The following GMEB1 variants were observed in gnomAD, a reference collection of about 807,000 sequenced individuals.
The protein encoded by GMEB1 is glucocorticoid modulatory element binding protein 1.
In GMEB1, 6 loss-of-function variants were observed where a neutral mutation model predicts 52.4. That is an observed-to-expected ratio of 0.11 (90% confidence interval 0.06 to 0.23). The LOEUF (loss-of-function observed/expected upper bound fraction) is 0.23, where lower values mean the gene tolerates loss of function less well. Among genes scored for constraint, GMEB1 ranks in the 10% least tolerant of loss-of-function variants. The pLI is 1.00. For synonymous variants in GMEB1, 255 were observed against 244.9 expected (o/e 1.04, Z -0.38); for missense variants, 486 against 685.6 (o/e 0.71, Z 3.25).
intron 7 of GMEB1, among the ~76,000 whole-genome samples, chr1:28,703,581 A>T (rs922760832): frequency 5.3e-5 from 8 of 151,956 alleles, no homozygotes; most frequent in Non-Finnish European, 1.2e-4. Flanking sequence ...AAGCACTTGA[A>T]CCTGGGAGGT....
At chr1:28,687,343 C>G (rs1028105449) in intron 2 of GMEB1, among the ~76,000 whole-genome samples, 2 of 33,496 alleles carry the variant, frequency 6.0e-5, no homozygotes, top group Non-Finnish European at 1.3e-4. Context: ...CTCACACACA[C>G]ACACACACAC....
rs545938221 is a variant in GMEB1, at chr1:28,703,846, TTTAAA to T, written c.731-335_731-331del. 3.0e-3 allele frequency among the ~76,000 whole-genome samples: 450 copies of T among 152,226 alleles called. 4 individuals carry two copies. Among genetic ancestry groups the T allele is most frequent in the African/African-American group, 6.6e-3 (274 of 41,572 alleles). ...CTTTTATGATATTAAATATCTCGTT[TTTAAA>T]TTAAATTAAAATTAAATAATATGTA... On this transcript the variant is annotated intron_variant, in intron 7 of 9. Transcript: ENST00000373816.
chr1:28,692,863 G>T, intron 4 of GMEB1, 79 bp from the exon 5 acceptor site: 1 of 685,188 alleles, frequency 1.5e-6, no homozygotes, highest in Non-Finnish European at 2.6e-6. Context: ...AAATGATGTA[G>T]AGTTATCATT....
chr1:28,714,082 G>A lies in GMEB1; in HGVS notation c.1001G>A (p.Arg334His), dbSNP rs1671179938. The A allele has an allele frequency of 3.1e-6, 5 of 1,607,264 alleles. No individual in the cohort carries two copies. The highest frequency in any genetic ancestry group is 3.4e-5 in the Admixed American group (2 of 59,546). Residue 334 changes from arginine to histidine, a missense_variant, in exon 10 of 10, where the codon CGC (arginine) becomes CAC (histidine). This residue lies in a region of GMEB1 where 200 missense variants were observed against 253.5 expected (regional missense o/e 0.79). Transcript: ENST00000373816. ...QFLYTLTDLE[R>H]QLEEQKKQGQ... is the part of the protein sequence containing the mutation. ...TTCTTTTTTTCCATAGACTTGGAACGCCAGTTGGAGGAGCAGAAGAAGCAA... is the reference window on the plus strand; with the variant it reads ...TTCTTTTTTTCCATAGACTTGGAACACCAGTTGGAGGAGCAGAAGAAGCAA...
At position 28,714,885 on chromosome 1, in the gene GMEB1, A is replaced by C. The variant is rs530505140; in HGVS notation, c.*112A>C. On this transcript the variant is annotated 3_prime_UTR_variant, in exon 10 of 10. Transcript: ENST00000373816. ...TAGGACCCTTTTTTAAAAAAAAAAA[A>C]ACAAAATCTTATTGTTGTAACTGAA... 1.0e-5 allele frequency: 8 copies of C among 779,536 alleles called. No individual in the cohort carries two copies. The highest frequency in any genetic ancestry group is 6.0e-5 in the South Asian group (3 of 49,844). The allele number at this position is 779,536 out of a possible 1,614,324, so 48.3% of individuals were successfully genotyped here.
chr1:28,700,513 C>CAAAAA (rs35332797), intron 6 of GMEB1, among the ~76,000 whole-genome samples: 1 of 82,464 alleles, frequency 1.2e-5, no homozygotes, highest in African/African-American at 4.8e-5. Context: ...GACTCCATCT[C>CAAAAA]AAAAAAAAAA....
At chr1:28,685,891 G>A (rs887838616) in intron 2 of GMEB1, among the ~76,000 whole-genome samples, 4 of 152,022 alleles carry the variant, frequency 2.6e-5, no homozygotes, top group Admixed American at 6.6e-5. Flanking sequence ...CCCGGGAGGC[G>A]GAAGTTGCAG....
chr1:28,694,708 G>A (rs1670118949), intron 5 of GMEB1, among the ~76,000 whole-genome samples: 3 of 150,192 alleles, frequency 2.0e-5, no homozygotes, highest in African/African-American at 2.5e-5. Flanking sequence ...TTGCTGTGTC[G>A]CCCAGGCTGC....
Position 28,714,873 on chromosome 1 carries a change from T to TAAAAAA in GMEB1, c.*108_*113dup. 5.0e-6 allele frequency: 3 copies of TAAAAAA among 595,398 alleles called. No homozygotes were observed. The highest frequency in any genetic ancestry group is 8.0e-6 in the Non-Finnish European group (3 of 373,700). 36.9% of individuals were successfully genotyped at this position (595,398 alleles called of 1,614,324 possible). On this transcript the variant is annotated 3_prime_UTR_variant, in exon 10 of 10. Coordinates refer to ENST00000373816, the MANE Select transcript of GMEB1 (RefSeq NM_001319674.2). ...CTCATTTCCACATAGGACCCTTTTT[T>TAAAAAA]AAAAAAAAAAAAACAAAATCTTATT... is the stretch of plus-strand genomic sequence containing the variant.
Position 28,714,798 on chromosome 1 carries a change from AT to A in GMEB1, c.*26del, listed in dbSNP as rs746275735. The A allele has an allele frequency of 6.8e-7, 1 of 1,461,882 alleles. No individual in the cohort carries two copies. The highest frequency in any genetic ancestry group is 1.2e-5 in the South Asian group (1 of 85,238). The allele number at this position is 1,461,882 out of a possible 1,614,324, so 90.6% of individuals were successfully genotyped here. ...ACTGGGGATCTCAGGGCCAGGAGTTATGTTTTGATTTGGAATTTTAATTATT... is the reference window on the plus strand; with the variant it reads ...ACTGGGGATCTCAGGGCCAGGAGTTAGTTTTGATTTGGAATTTTAATTATT... On this transcript the variant is annotated 3_prime_UTR_variant, in exon 10 of 10. Coordinates refer to ENST00000373816, the MANE Select transcript of GMEB1 (RefSeq NM_001319674.2).
At position 28,693,043 on chromosome 1, in the gene GMEB1, C is replaced by G; in HGVS notation, c.438C>G (p.Leu146=). 1 of 1,561,346 alleles carries G rather than the reference C, an allele frequency of 6.4e-7. No homozygotes were observed. The highest frequency in any genetic ancestry group is 8.8e-7 in the Non-Finnish European group (1 of 1,138,810). The change falls in exon 5 of 10, where the codon CTC becomes CTG. Residue 146 remains leucine (L), a splice_region_variant and synonymous_variant. Coordinates refer to ENST00000373816, the MANE Select transcript of GMEB1 (RefSeq NM_001319674.2). ...KRAIRLGGIM[L]RKMMDSGQID... The stretch of plus-strand genomic sequence containing the variant: ...CTATTCGTCTGGGTGGGATCATGCT[C>G]AGGTAAGCTCTAATGTCAAGCACAT...
At chr1:28,672,465 C>T (rs1248764559) in intron 1 of GMEB1, among the ~76,000 whole-genome samples, 3 of 151,366 alleles carry the variant, frequency 2.0e-5, no homozygotes, top group African/African-American at 7.3e-5. Flanking sequence ...CCTCGTGATC[C>T]GCCCGCCTCA....
At chr1:28,700,907 G>T (rs910726394) in intron 6 of GMEB1, among the ~76,000 whole-genome samples, 4 of 152,060 alleles carry the variant, frequency 2.6e-5, no homozygotes, top group Non-Finnish European at 5.9e-5. Context: ...GATTGGTGGG[G>T]GTCCACTTTT....
At chr1:28,702,291 G>T (rs1300489795) in intron 6 of GMEB1, 147 bp from the exon 7 acceptor site, 1 of 512,554 alleles carries the variant, frequency 2.0e-6, no homozygotes, top group African/African-American at 1.9e-5. Context: ...GCTTACCTAA[G>T]AGTCTAGTTT....
At chr1:28,705,246 A>T (rs1451812586) in intron 8 of GMEB1, among the ~76,000 whole-genome samples, 1 of 151,412 alleles carries the variant, frequency 6.6e-6, no homozygotes, top group East Asian at 2.0e-4. Flanking sequence ...AAAAAAAAAA[A>T]ATTAGCTGGG....
At chr1:28,710,763 T>A (rs776581232) in intron 9 of GMEB1, 121 bp downstream of exon 9, 17 of 553,196 alleles carry the variant, frequency 3.1e-5, no homozygotes, top group Admixed American at 1.8e-4. Flanking sequence ...ATTTTGCTTT[T>A]AAAAATAAAA....
At position 28,710,500 on chromosome 1, in the gene GMEB1, A is replaced by C. The variant is rs772940436; in HGVS notation, c.869-20A>C. ...ACATATCTGTTTTAACTGGACAGGC[A>C]TGTCTTTTGTTTTAAATAGATGCTG... On this transcript the variant is annotated intron_variant, in intron 8 of 9. Transcript: ENST00000373816. 5.1e-6 allele frequency: 8 copies of C among 1,580,794 alleles called. No homozygotes were observed. The Admixed American group carries it at 1.3e-4, about 26-fold the overall frequency.
At chr1:28,685,792 C>T (rs1347491830) in intron 2 of GMEB1, among the ~76,000 whole-genome samples, 2 of 152,144 alleles carry the variant, frequency 1.3e-5, no homozygotes, top group East Asian at 3.9e-4. Flanking sequence ...AACCCTGTCT[C>T]TACTAAAAAT....
intron 3 of GMEB1, among the ~76,000 whole-genome samples, chr1:28,690,886 C>T (rs532625421): frequency 6.6e-6 from 1 of 152,180 alleles, no homozygotes; most frequent in Non-Finnish European, 1.5e-5. Context: ...GAGACTGAGG[C>T]AGGAGATCCC....
Sources: gnomAD v4.1 joint callset for allele counts (sites outside exome capture counted in the v4.1 genomes callset) on GRCh38, gnomAD v4.1.1 for gene constraint, gnomAD v4.1.1 regional missense constraint, MANE v1.5 for transcripts, NCBI Gene and HGNC (gene_info 2026-07-23, HGNC 2026-07-21) for gene names.